LINGO2: variants seen among roughly 807,000 people sequenced by gnomAD.
The protein encoded by LINGO2 is leucine rich repeat and Ig domain containing 2.
In LINGO2, 14 loss-of-function variants were observed where a neutral mutation model predicts 30.6. The observed-to-expected ratio is 0.46, with a 90% CI of 0.30 to 0.72. The LOEUF (loss-of-function observed/expected upper bound fraction) is 0.72. LINGO2 is among the 30% of genes least tolerant of loss of function. LINGO2 has a pLI of 0.07. For synonymous variants in LINGO2, 317 were observed against 288.5 expected (o/e 1.10, Z -1.00); for missense variants, 729 against 751.7 (o/e 0.97, Z 0.35).
At chr9:28,771,452 G>GGTGT in the LINGO2 span, among the ~76,000 whole-genome samples, 19 of 120,362 alleles carry the variant, frequency 1.6e-4, no homozygotes, top group East Asian at 7.1e-4. Context: ...TTTCCTATTT[G>GGTGT]GTGTGTGTGT....
rs139363750 is a variant in LINGO2 at position 28,376,057 on chromosome 9, A to G, written c.-278-3189T>C. On this transcript the variant is annotated intron_variant, in intron 2 of 5. Transcript: ENST00000379992. ...GAAAAGAATATCTGGCATGCAGGTG[A>G]TACACTAGGCATTTTGTGAACTTTC... Among the ~76,000 whole-genome samples, 61 of 151,768 alleles carry G rather than the reference A, an allele frequency of 4.0e-4. No individual in the cohort carries two copies. The East Asian group carries it at 9.1e-3, about 23-fold the overall frequency.
At chr9:28,904,352 T>C in the LINGO2 span, among the ~76,000 whole-genome samples, 1 of 152,030 alleles carries the variant, frequency 6.6e-6, no homozygotes, top group Non-Finnish European at 1.5e-5. Flanking sequence ...CATAGCAGCC[T>C]AGCTAGAACA....
At chr9:28,866,139 T>C in the LINGO2 span, among the ~76,000 whole-genome samples, 1,265 of 152,252 alleles carry the variant, frequency 8.3e-3, 22 homozygotes, top group African/African-American at 0.028. Context: ...CTATTTTATA[T>C]AAGTAGATAA....
At chr9:28,030,177 C>T (rs1823595986) in intron 4 of LINGO2, among the ~76,000 whole-genome samples, 1 of 152,130 alleles carries the variant, frequency 6.6e-6, no homozygotes, top group South Asian at 2.1e-4. Flanking sequence ...CAGACAAGTG[C>T]TTATTAATAG....
At chr9:29,150,290 AC>A in the LINGO2 span, among the ~76,000 whole-genome samples, 1 of 152,210 alleles carries the variant, frequency 6.6e-6, no homozygotes, top group Non-Finnish European at 1.5e-5. Context: ...TTCCATTTAT[AC>A]CACGATGAAA....
intron 1 of LINGO2, among the ~76,000 whole-genome samples, chr9:28,638,625 C>T (rs1004520184): frequency 5.9e-5 from 9 of 152,068 alleles, no homozygotes; most frequent in African/African-American, 2.2e-4. Flanking sequence ...TTATAGTATT[C>T]TCTGATGGTA....
At chr9:28,055,952 C>T (rs1824919120) in intron 4 of LINGO2, among the ~76,000 whole-genome samples, 1 of 152,142 alleles carries the variant, frequency 6.6e-6, no homozygotes, top group Non-Finnish European at 1.5e-5. Flanking sequence ...TTGAATCTAT[C>T]ATTACAACAG....
At chr9:27,994,776 G>A (rs540619397) in intron 5 of LINGO2, among the ~76,000 whole-genome samples, 1 of 152,256 alleles carries the variant, frequency 6.6e-6, no homozygotes, top group East Asian at 1.9e-4. Context: ...CAGGGAGGTG[G>A]TGGGGAAAGA....
Position 27,950,617 on chromosome 9 carries a change from A to C in LINGO2, c.55T>G (p.Leu19Val), listed in dbSNP as rs113029670. The C allele has an allele frequency of 4.0e-5, 60 of 1,518,220 alleles. No homozygotes were observed. In the African/African-American group the frequency reaches 7.1e-4, roughly 18 times the overall value. 94.0% of individuals were successfully genotyped at this position (1,518,220 alleles called of 1,614,324 possible). ...CCAATGGTGGATCCCATGAAGATTA[A>C]CACCACAGCCAGACCCAGGAATGGC... is the stretch of plus-strand genomic sequence containing the variant. Residue 19 changes from leucine (L) to valine (V), a missense_variant, in exon 6 of 6, where the codon TTA becomes GTA. Transcript: ENST00000379992.
At chr9:28,736,618 C>T in the LINGO2 span, among the ~76,000 whole-genome samples, 5 of 151,952 alleles carry the variant, frequency 3.3e-5, no homozygotes, top group African/African-American at 1.2e-4. Context: ...TGGCGAAACC[C>T]CATCTCTACC....
chr9:28,575,927 TAC>T (rs3065641), intron 1 of LINGO2, among the ~76,000 whole-genome samples: 9 of 149,486 alleles, frequency 6.0e-5, no homozygotes, highest in African/African-American at 1.5e-4. Flanking sequence ...AGCCTTGAAA[TAC>T]ACACACACAC....
At chr9:28,466,507 G>A (rs573423546) in intron 2 of LINGO2, among the ~76,000 whole-genome samples, 15 of 152,216 alleles carry the variant, frequency 9.9e-5, no homozygotes, top group African/African-American at 3.4e-4. Flanking sequence ...ACAAATAATA[G>A]AGTTAATAAG....
the LINGO2 span, among the ~76,000 whole-genome samples, chr9:28,939,188 A>G: frequency 0.11 from 17,281 of 151,880 alleles, 987 homozygotes; most frequent in South Asian, 0.15. Flanking sequence ...TAAGCTACTT[A>G]AGGCTACTTA....
At chr9:28,048,018 C>A (rs1824504464) in intron 4 of LINGO2, among the ~76,000 whole-genome samples, 1 of 150,110 alleles carries the variant, frequency 6.7e-6, no homozygotes, top group South Asian at 2.1e-4. Flanking sequence ...AAAATCTAAT[C>A]ACATTAGACA....
At chr9:28,634,649 C>G (rs1301772182) in intron 1 of LINGO2, among the ~76,000 whole-genome samples, 1 of 151,974 alleles carries the variant, frequency 6.6e-6, no homozygotes, top group African/African-American at 2.4e-5. Flanking sequence ...GCACACCTGG[C>G]TAACTTTTGT....
chr9:28,799,288 A>G, the LINGO2 span, among the ~76,000 whole-genome samples: 1 of 152,078 alleles, frequency 6.6e-6, no homozygotes, highest in Non-Finnish European at 1.5e-5. Flanking sequence ...AATCGTCAGT[A>G]TAGTCTAATG....
chr9:29,075,825 T>C, the LINGO2 span, among the ~76,000 whole-genome samples: 6 of 152,198 alleles, frequency 3.9e-5, no homozygotes, highest in African/African-American at 1.4e-4. Flanking sequence ...TACATCAAAA[T>C]CTAATTAATG....
intron 4 of LINGO2, among the ~76,000 whole-genome samples, chr9:28,127,712 G>T (rs1316013348): frequency 1.3e-5 from 2 of 152,104 alleles, no homozygotes; most frequent in Admixed American, 1.3e-4. Context: ...CCTCTCTATG[G>T]TAGATTCTTC....
intron 1 of LINGO2, among the ~76,000 whole-genome samples, chr9:28,550,171 G>A (rs1822199118): frequency 6.6e-6 from 1 of 151,816 alleles, no homozygotes; most frequent in Admixed American, 6.6e-5. Context: ...AAATTACTAA[G>A]AATTAAGCAT....
Sources: allele counts gnomAD v4.1 joint callset (sites outside exome capture counted in the v4.1 genomes callset), GRCh38; gene constraint gnomAD v4.1.1; transcripts MANE v1.5; gene names NCBI Gene and HGNC (gene_info 2026-07-23, HGNC 2026-07-21).